Variants in DGKB observed in about 807,000 individuals in gnomAD.
The protein encoded by DGKB is 90 kDa diacylglycerol kinase.
In DGKB, 67 loss-of-function variants were observed where a neutral mutation model predicts 114.3. The ratio of observed to expected loss-of-function variants is 0.59; its 90% CI spans 0.48 to 0.72. The LOEUF (loss-of-function observed/expected upper bound fraction) is 0.72, where lower values mean the gene tolerates loss of function less well. DGKB is among the 30% of genes least tolerant of loss of function. DGKB has a pLI of 0.00. For missense variants in DGKB, 907 were observed against 975.2 expected (o/e 0.93, Z 0.93); for synonymous variants, 398 against 323.1 (o/e 1.23, Z -2.49).
At chr7:14,160,243 T>G (rs1310249578) in intron 25 of DGKB, among the ~76,000 whole-genome samples, 2 of 152,108 alleles carry the variant, frequency 1.3e-5, no homozygotes, top group Non-Finnish European at 2.9e-5. Flanking sequence ...CTCACCACTT[T>G]TATTCAACAT....
chr7:14,209,871 A>T (rs1210873798), intron 23 of DGKB, among the ~76,000 whole-genome samples: 1 of 147,932 alleles, frequency 6.8e-6, no homozygotes, highest in Non-Finnish European at 1.5e-5. Flanking sequence ...TGGCAAATTG[A>T]AAAGGTTATT....
intron 21 of DGKB, among the ~76,000 whole-genome samples, chr7:14,420,835 G>C (rs566491667): frequency 6.6e-6 from 1 of 152,118 alleles, no homozygotes; most frequent in Non-Finnish European, 1.5e-5. Flanking sequence ...ATAGGGTCTG[G>C]AGGCAGGGAA....
chr7:14,629,442 A>T (rs2128839960), intron 14 of DGKB, among the ~76,000 whole-genome samples: 1 of 152,154 alleles, frequency 6.6e-6, no homozygotes, highest in Non-Finnish European at 1.5e-5. Context: ...AAGAGCAGTT[A>T]TGACACTTTT....
intron 21 of DGKB, among the ~76,000 whole-genome samples, chr7:14,422,046 A>C (rs532352081): frequency 1.3e-5 from 2 of 152,050 alleles, no homozygotes; most frequent in Non-Finnish European, 2.9e-5. Context: ...GGTATATATA[A>C]AAATATTGAT....
intron 1 of DGKB, among the ~76,000 whole-genome samples, chr7:14,890,076 CTT>C (rs1562823838): frequency 6.6e-6 from 1 of 151,544 alleles, no homozygotes; most frequent in Non-Finnish European, 1.5e-5. Context: ...GTCTGAGAGT[CTT>C]TTCATTCCAT....
intron 20 of DGKB, among the ~76,000 whole-genome samples, chr7:14,483,313 A>T (rs1156308883): frequency 6.6e-6 from 1 of 152,210 alleles, no homozygotes; most frequent in Non-Finnish European, 1.5e-5. Context: ...TTGAAAGCAC[A>T]TAACTTGTTT....
At position 14,327,950 on chromosome 7, in the gene DGKB, T is replaced by G. The variant is rs78199735; in HGVS notation, c.2122+10565A>C. ...TAGCTTATTTCATGGCAAAAACATG[T>G]TAAAATATGAAATGACTTCTCAAAC... is the stretch of plus-strand genomic sequence containing the variant. On this transcript the variant is annotated intron_variant, in intron 23 of 25. Transcript: ENST00000402815. 1.1e-4 allele frequency among the ~76,000 whole-genome samples: 16 copies of G among 152,262 alleles called. No individual in the cohort carries two copies. In the East Asian group the frequency reaches 3.1e-3, roughly 29 times the overall value.
At chr7:14,563,196 T>G (rs187886404) in intron 20 of DGKB, among the ~76,000 whole-genome samples, 1 of 152,316 alleles carries the variant, frequency 6.6e-6, no homozygotes, top group East Asian at 1.9e-4. Flanking sequence ...CCCAGCCATG[T>G]GAAACTGTGA....
chr7:14,511,714 G>C (rs1788001626), intron 20 of DGKB, among the ~76,000 whole-genome samples: 1 of 152,134 alleles, frequency 6.6e-6, no homozygotes, highest in African/African-American at 2.4e-5. Context: ...TCCTCACTCA[G>C]CTTAATCATT....
chr7:14,594,619 C>T (rs536777254), intron 17 of DGKB, among the ~76,000 whole-genome samples: 1 of 152,018 alleles, frequency 6.6e-6, no homozygotes. Context: ...AATGTAGCAG[C>T]ACAAGTGATT....
intron 15 of DGKB, among the ~76,000 whole-genome samples, chr7:14,617,983 C>T (rs1806864935): frequency 6.6e-6 from 1 of 151,518 alleles, no homozygotes; most frequent in African/African-American, 2.4e-5. Context: ...TATGGAGATA[C>T]TCAGTTTAAA....
intron 20 of DGKB, among the ~76,000 whole-genome samples, chr7:14,535,527 A>C (rs890318184): frequency 6.6e-6 from 1 of 152,194 alleles, no homozygotes; most frequent in Non-Finnish European, 1.5e-5. Context: ...AGATTAGAAC[A>C]GAAAAAAATG....
intron 1 of DGKB, among the ~76,000 whole-genome samples, chr7:14,953,895 C>G (rs968699774): frequency 6.6e-6 from 1 of 152,028 alleles, no homozygotes; most frequent in Non-Finnish European, 1.5e-5. Context: ...AATGTATGGG[C>G]CCCCAGACCT....
intron 20 of DGKB, among the ~76,000 whole-genome samples, chr7:14,498,936 A>T (rs1227657757): frequency 6.6e-6 from 1 of 151,654 alleles, no homozygotes; most frequent in Non-Finnish European, 1.5e-5. Context: ...GGATGAAGAA[A>T]AGACATTGTG....
intron 23 of DGKB, among the ~76,000 whole-genome samples, chr7:14,284,435 C>T (rs62443698): frequency 0.049 from 6,671 of 135,404 alleles, 672 homozygotes; most frequent in African/African-American, 0.2. Flanking sequence ...AGTTCAACCA[C>T]TGTGGAAGTC....
chr7:14,152,334 G>C (rs1782339082), intron 25 of DGKB, among the ~76,000 whole-genome samples: 1 of 151,988 alleles, frequency 6.6e-6, no homozygotes, highest in South Asian at 2.1e-4. Context: ...TTTGCAACAT[G>C]ATTTTGGTTG....
chr7:14,460,466 T>A (rs1832917250), intron 21 of DGKB, among the ~76,000 whole-genome samples: 1 of 150,592 alleles, frequency 6.6e-6, no homozygotes, highest in Non-Finnish European at 1.5e-5. Context: ...TAGTCTCTGA[T>A]AAAACAGACT....
At chr7:14,484,585 G>C (rs1477171626) in intron 20 of DGKB, among the ~76,000 whole-genome samples, 1 of 152,122 alleles carries the variant, frequency 6.6e-6, no homozygotes, top group East Asian at 1.9e-4. Flanking sequence ...GCTTCCTCAG[G>C]CTTCAACAGA....
intron 15 of DGKB, among the ~76,000 whole-genome samples, chr7:14,617,169 C>G (rs1230611879): frequency 6.6e-6 from 1 of 151,616 alleles, no homozygotes; most frequent in East Asian, 1.9e-4. Context: ...AAATTCATGT[C>G]TGCCTTTTCT....
Sources: gnomAD v4.1 joint callset for allele counts (sites outside exome capture counted in the v4.1 genomes callset) on GRCh38, gnomAD v4.1.1 for gene constraint, MANE v1.5 for transcripts, NCBI Gene and HGNC (gene_info 2026-07-23, HGNC 2026-07-21) for gene names.